The following SUMF1 variants were observed in gnomAD, a reference collection of about 807,000 sequenced individuals.
The protein encoded by SUMF1 is formylglycine-generating enzyme.
SUMF1 carries 48 observed loss-of-function variants against 47.6 expected under a neutral mutation model. The observed-to-expected ratio is 1.01, with a 90% confidence interval of 0.80 to 1.28. The LOEUF is 1.28. Among genes scored for constraint, SUMF1 ranks in the 50% most tolerant of loss-of-function variants. SUMF1 has a pLI of 0.00. For missense variants in SUMF1, 571 were observed against 485.4 expected, an observed-to-expected ratio of 1.18 and a Z score of -1.66; for synonymous variants, 230 against 192.1, an observed-to-expected ratio of 1.20 and a Z score of -1.63.
intron 8 of SUMF1, among the ~76,000 whole-genome samples, chr3:4,107,654 T>G (rs1393328766): frequency 6.6e-6 from 1 of 152,082 alleles, no homozygotes; most frequent in Non-Finnish European, 1.5e-5. Flanking sequence ...TATTCCCTAT[T>G]AAAGCGCAAA....
chr3:4,296,509 G>A (rs913265809), intron 8 of SUMF1, among the ~76,000 whole-genome samples: 1 of 152,168 alleles, frequency 6.6e-6, no homozygotes, highest in African/African-American at 2.4e-5. Flanking sequence ...GGTGGAAGGT[G>A]AAGGAGGAGC....
At chr3:4,389,438 A>ATTTC (rs1405220615) in intron 7 of SUMF1, among the ~76,000 whole-genome samples, 1 of 150,640 alleles carries the variant, frequency 6.6e-6, no homozygotes, top group Non-Finnish European at 1.5e-5. Flanking sequence ...CTTCTTGTAG[A>ATTTC]TTTCTTCAGA....
chr3:4,405,715 C>T (rs1024005040), intron 7 of SUMF1, among the ~76,000 whole-genome samples: 1 of 152,198 alleles, frequency 6.6e-6, no homozygotes, highest in Non-Finnish European at 1.5e-5. Flanking sequence ...ATACATCAAA[C>T]AACCCTGAGA....
chr3:4,187,723 T>C (rs965893699), intron 8 of SUMF1, among the ~76,000 whole-genome samples: 1 of 152,180 alleles, frequency 6.6e-6, no homozygotes, highest in African/African-American at 2.4e-5. Flanking sequence ...AGTGACTATG[T>C]TTGCATATGT....
intron 8 of SUMF1, among the ~76,000 whole-genome samples, chr3:4,257,927 G>C (rs1419560364): frequency 1.3e-5 from 2 of 151,692 alleles, no homozygotes; most frequent in African/African-American, 4.8e-5. Context: ...TAGATCAATG[G>C]AACAGAACAG....
intron 8 of SUMF1, among the ~76,000 whole-genome samples, chr3:4,236,214 A>G (rs1227492161): frequency 6.6e-6 from 1 of 152,112 alleles, no homozygotes; most frequent in African/African-American, 2.4e-5. Context: ...TTTAAAAGCT[A>G]CAAAGGAAAC....
chr3:4,322,814 A>C (rs1481376786), intron 8 of SUMF1, among the ~76,000 whole-genome samples: 1 of 152,144 alleles, frequency 6.6e-6, no homozygotes, highest in Admixed American at 6.6e-5. Context: ...TACAATTACC[A>C]CATGTCCCAG....
chr3:4,186,927 C>T (rs1695212223), intron 8 of SUMF1, among the ~76,000 whole-genome samples: 1 of 152,156 alleles, frequency 6.6e-6, no homozygotes. Context: ...CAAAACCAGA[C>T]ATCTACTAAA....
chr3:4,256,108 T>A (rs1161111997), intron 8 of SUMF1, among the ~76,000 whole-genome samples: 1 of 144,576 alleles, frequency 6.9e-6, no homozygotes, highest in African/African-American at 2.6e-5. Context: ...TGGGACGCAT[T>A]CAAAGCAGTG....
intron 8 of SUMF1, among the ~76,000 whole-genome samples, chr3:4,348,685 A>C (rs1699423878): frequency 6.6e-6 from 1 of 151,232 alleles, no homozygotes; most frequent in African/African-American, 2.4e-5. Context: ...ACCAACATGC[A>C]GAAATGCTGT....
At chr3:4,352,751 A>T (rs935241188) in intron 8 of SUMF1, among the ~76,000 whole-genome samples, 4 of 151,122 alleles carry the variant, frequency 2.6e-5, no homozygotes, top group African/African-American at 9.7e-5. Context: ...AAAAAAAAAA[A>T]AAAGGGTGAC....
intron 8 of SUMF1, among the ~76,000 whole-genome samples, chr3:4,363,214 C>T (rs2633858): frequency 0.61 from 92,701 of 151,340 alleles, 28,828 homozygotes; most frequent in East Asian, 0.76. Context: ...CCATTTAATA[C>T]CTAAATAATA....
At chr3:4,223,908 T>A (rs2125177505) in intron 8 of SUMF1, among the ~76,000 whole-genome samples, 1 of 152,250 alleles carries the variant, frequency 6.6e-6, no homozygotes, top group African/African-American at 2.4e-5. Context: ...TCTCTGAGCC[T>A]TCATTTCTTC....
rs114042841 is a variant in SUMF1 at position 4,092,907 on chromosome 3, G to A, written c.1015-24162C>T. On this transcript the variant is annotated intron_variant and NMD_transcript_variant, in intron 8 of 12. Transcript: ENST00000448413. ...GAAATGGTTAGAAAAGTAAATTTTG[G>A]TGTGTGCCTTACAATATAGAAAGCT... is the stretch of plus-strand genomic sequence containing the variant. Among the ~76,000 whole-genome samples, 1,008 of 152,138 alleles carry A rather than the reference G, an allele frequency of 6.6e-3. 15 individuals carry two copies. The highest frequency in any genetic ancestry group is 0.023 in the African/African-American group (952 of 41,474).
chr3:4,328,411 A>G (rs1196244666), intron 8 of SUMF1, among the ~76,000 whole-genome samples: 1 of 152,164 alleles, frequency 6.6e-6, no homozygotes, highest in Non-Finnish European at 1.5e-5. Context: ...ATAAAGAAAA[A>G]GAGGTTTAAT....
intron 3 of SUMF1, among the ~76,000 whole-genome samples, chr3:4,438,229 C>A (rs1452257416): frequency 3.7e-5 from 5 of 134,572 alleles, no homozygotes; most frequent in African/African-American, 1.4e-4. Flanking sequence ...GCTATAAGAG[C>A]AAAAAAAAAA....
At chr3:4,274,199 C>T (rs1697367627) in intron 8 of SUMF1, among the ~76,000 whole-genome samples, 1 of 152,096 alleles carries the variant, frequency 6.6e-6, no homozygotes, top group Non-Finnish European at 1.5e-5. Context: ...AACTATTCTT[C>T]CTCCCTTCTA....
At position 4,150,542 on chromosome 3, in the gene SUMF1, T is replaced by C. The variant is rs1396104626; in HGVS notation, c.1015-81797A>G. On this transcript the variant is annotated intron_variant and NMD_transcript_variant, in intron 8 of 12. Transcript: ENST00000448413. Reference sequence around the variant, plus strand: ...GTGCCACTGCACTCCAGAGTGAGACTCCGTCTCAAAAAAAAAAAAATGTGT... The same window carrying C: ...GTGCCACTGCACTCCAGAGTGAGACCCCGTCTCAAAAAAAAAAAAATGTGT... Among the ~76,000 whole-genome samples the C allele has an allele frequency of 3.3e-4, 33 of 98,882 alleles. 1 individual carries two copies. In the Admixed American group the frequency reaches 3.5e-3, roughly 10 times the overall value. The allele number at this position is 98,882 out of a possible 152,430, so 64.9% of individuals were successfully genotyped here. A position where few individuals can be genotyped will look rare whatever the true frequency, so the allele number is the denominator to read the frequency against.
chr3:4,149,804 G>A (rs1694277448), intron 8 of SUMF1, among the ~76,000 whole-genome samples: 1 of 152,136 alleles, frequency 6.6e-6, no homozygotes, highest in Admixed American at 6.5e-5. Context: ...GAGGTGCCTA[G>A]AGGTAAAGCA....
Sources: gnomAD v4.1 joint callset for allele counts (sites outside exome capture counted in the v4.1 genomes callset) on GRCh38, gnomAD v4.1.1 for gene constraint, MANE v1.5 for transcripts, NCBI Gene and HGNC (gene_info 2026-07-23, HGNC 2026-07-21) for gene names.